Variants in PPFIA1 observed in about 807,000 individuals in gnomAD.
PPFIA1 encodes liprin-alpha-1.
In PPFIA1, 25 loss-of-function variants were observed where a neutral mutation model predicts 149.9. The ratio of observed to expected loss-of-function variants is 0.17; its 90% CI spans 0.12 to 0.23. The LOEUF (loss-of-function observed/expected upper bound fraction) is 0.23, where lower values mean the gene tolerates loss of function less well. Among genes scored for constraint, PPFIA1 ranks in the 10% least tolerant of loss-of-function variants. The probability of loss-of-function intolerance (pLI) is 1.00; values close to 1 mark genes in which losing one functional copy is unlikely to be tolerated. For missense variants in PPFIA1, 1,362 were observed against 1,506.5 expected, an observed-to-expected ratio of 0.90 and a Z score of 1.59; for synonymous variants, 549 against 552.8, an observed-to-expected ratio of 0.99 and a Z score of 0.10.
At chr11:70,365,169 G>A (rs756361205) in intron 21 of PPFIA1, 3 of 218,138 alleles carry the variant, frequency 1.4e-5, no homozygotes, top group South Asian at 5.9e-5. Context: ...TCTCGTCATC[G>A]TGTGCTCTTC....
chr11:70,288,971 T>G (rs2051339161), intron 2 of PPFIA1, among the ~76,000 whole-genome samples: 2 of 150,260 alleles, frequency 1.3e-5, no homozygotes, highest in Non-Finnish European at 3.0e-5. Context: ...CTGGTTGTTT[T>G]TTTTTTTTTT....
chr11:70,304,194 G>A (rs2052688924), intron 2 of PPFIA1, among the ~76,000 whole-genome samples: 1 of 152,154 alleles, frequency 6.6e-6, no homozygotes. Context: ...TAGGATTCTG[G>A]GGGCTCTGGG....
chr11:70,338,331 C>A, intron 12 of PPFIA1, 43 bp from the exon 13 acceptor site: 1 of 1,489,544 alleles, frequency 6.7e-7, no homozygotes, highest in Non-Finnish European at 9.4e-7. Context: ...GTTTTAAAAT[C>A]TAAAAGAGAT....
intron 24 of PPFIA1, among the ~76,000 whole-genome samples, chr11:70,376,244 C>T (rs2057485876): frequency 6.6e-6 from 1 of 152,204 alleles, no homozygotes; most frequent in Non-Finnish European, 1.5e-5. Context: ...CTGTCTCGGC[C>T]TCCCAAAGTA....
chr11:70,309,546 A>G (rs757985739), intron 2 of PPFIA1, among the ~76,000 whole-genome samples: 1 of 152,184 alleles, frequency 6.6e-6, no homozygotes, highest in Non-Finnish European at 1.5e-5. Flanking sequence ...AACAACAACC[A>G]AAGATAGTTT....
chr11:70,370,052 G>A (rs2057153406), intron 21 of PPFIA1, among the ~76,000 whole-genome samples: 1 of 151,728 alleles, frequency 6.6e-6, no homozygotes, highest in African/African-American at 2.4e-5. Flanking sequence ...CCTGGTTCAA[G>A]CAATTTTCAT....
rs1369953256 is a variant in PPFIA1, at chr11:70,295,971, G to A, written c.264+23535G>A. On this transcript the variant is annotated intron_variant, in intron 2 of 27. Coordinates refer to ENST00000253925, the MANE Select transcript of PPFIA1 (RefSeq NM_003626.5). ...GGTCTCCTCCCTTCTCAGATGGGGCGGCTGGGCAGAGACGCTCCTCACCTC... is the reference window on the plus strand; with the variant it reads ...GGTCTCCTCCCTTCTCAGATGGGGCAGCTGGGCAGAGACGCTCCTCACCTC... Among the ~76,000 whole-genome samples, 11 of 151,614 alleles carry A rather than the reference G, an allele frequency of 7.3e-5. No individual in the cohort carries two copies. In the East Asian group the frequency reaches 2.2e-3, roughly 30 times the overall value.
intron 2 of PPFIA1, among the ~76,000 whole-genome samples, chr11:70,273,978 TCA>T (rs1392713964): frequency 6.6e-6 from 1 of 152,170 alleles, no homozygotes; most frequent in Non-Finnish European, 1.5e-5. Context: ...GTGGAGGTTG[TCA>T]CACACACTGG....
intron 16 of PPFIA1, among the ~76,000 whole-genome samples, chr11:70,353,314 C>A (rs141884895): frequency 6.6e-6 from 1 of 152,172 alleles, no homozygotes; most frequent in South Asian, 2.1e-4. Flanking sequence ...GGCTGCACCG[C>A]ACCATGATCA....
chr11:70,314,528 T>C (rs2053478789), intron 2 of PPFIA1, among the ~76,000 whole-genome samples: 1 of 152,224 alleles, frequency 6.6e-6, no homozygotes, highest in Non-Finnish European at 1.5e-5. Context: ...AAAATTATCT[T>C]ACTTCCAACT....
chr11:70,326,322 A>G lies in PPFIA1; in HGVS notation c.667A>G (p.Ile223Val). 2 of 1,609,924 alleles carry G rather than the reference A, an allele frequency of 1.2e-6. No individual in the cohort carries two copies. The highest frequency in any genetic ancestry group is 1.7e-6 in the Non-Finnish European group (2 of 1,177,098). ...KKTLTDGVLD[I>V]NHEQENTPST... ...AACTCTAACAGATGGAGTGCTGGAC[A>G]TAAACCATGAACAAGAAAATACACC... Residue 223 changes from isoleucine to valine, a missense_variant, in exon 6 of 28, where the codon ATA becomes GTA. By Grantham distance (29) the Ile-to-Val change is conservative (BLOSUM62 3). Around this residue, in one of 7 missense-constraint regions of PPFIA1, gnomAD observed 733 missense variants for 744.1 expected, o/e 0.99. Coordinates refer to ENST00000253925, the MANE Select transcript of PPFIA1 (RefSeq NM_003626.5).
At chr11:70,380,384 G>T (rs1173033239) in intron 26 of PPFIA1, among the ~76,000 whole-genome samples, 1 of 151,606 alleles carries the variant, frequency 6.6e-6, no homozygotes. Flanking sequence ...TGGCTAACAC[G>T]GTGAAACTCC....
intron 21 of PPFIA1, chr11:70,363,512 T>C (rs1231596078): frequency 6.6e-6 from 1 of 152,204 alleles, no homozygotes; most frequent in African/African-American, 2.4e-5. Context: ...TATTTATTTA[T>C]TTAAGTTTTT....
rs1395857183 is a variant in PPFIA1 at position 70,362,469 on chromosome 11, C to A, written c.2846C>A (p.Ala949Asp). ...QEIMSLTSPS[A>D]PPTSRTTLAY... is the part of the protein sequence containing the mutation. ...ATCATGTCGCTGACCAGCCCGTCTG[C>A]CCCGCCCACATCTAGAACGGTACGT... The change falls in exon 21 of 28, where the codon GCC becomes GAC. Residue 949 changes from alanine to aspartate, a missense_variant. By Grantham distance (126) the Ala-to-Asp change is moderately radical. Transcript: ENST00000253925. 1 of 1,613,026 alleles carries A rather than the reference C, an allele frequency of 6.2e-7. No individual in the cohort carries two copies. The highest frequency in any genetic ancestry group is 1.7e-5 in the Admixed American group (1 of 59,980).
intron 2 of PPFIA1, among the ~76,000 whole-genome samples, chr11:70,281,895 G>C (rs1277338801): frequency 6.6e-6 from 1 of 152,164 alleles, no homozygotes; most frequent in African/African-American, 2.4e-5. Context: ...AGGCCACCCC[G>C]CGTATCACTG....
chr11:70,285,970 T>TTAAA (rs1440949809), intron 2 of PPFIA1, among the ~76,000 whole-genome samples: 3 of 152,118 alleles, frequency 2.0e-5, no homozygotes, highest in Non-Finnish European at 4.4e-5. Context: ...TTTGAGCAAG[T>TTAAA]TAAATGCATG....
chr11:70,330,354 T>C, intron 8 of PPFIA1, 35 bp downstream of exon 8: 1 of 1,512,838 alleles, frequency 6.6e-7, no homozygotes, highest in Non-Finnish European at 8.9e-7. Context: ...CTGGCTTTAG[T>C]TAATTATTAA....
At chr11:70,336,282 C>T (rs577244329) in intron 11 of PPFIA1, among the ~76,000 whole-genome samples, 3 of 152,134 alleles carry the variant, frequency 2.0e-5, no homozygotes, top group Admixed American at 2.0e-4. Flanking sequence ...GCAGGCAGAT[C>T]ACTTCAGCCA....
intron 4 of PPFIA1, chr11:70,325,213 C>T (rs1044723892): frequency 5.3e-5 from 26 of 492,334 alleles, no homozygotes; most frequent in African/African-American, 5.2e-4. Context: ...TTTGCTGTTA[C>T]AAATTGGGTA....
Sources: allele counts gnomAD v4.1 joint callset (sites outside exome capture counted in the v4.1 genomes callset), GRCh38; gene constraint gnomAD v4.1.1; regional missense constraint gnomAD v4.1.1; transcripts MANE v1.5; gene names NCBI Gene and HGNC (gene_info 2026-07-23, HGNC 2026-07-21).